Variants in OXR1 observed in about 807,000 individuals in gnomAD.
OXR1 encodes the protein oxidation resistance protein 1.
In OXR1, 41 loss-of-function variants were observed where a neutral mutation model predicts 104.6. The ratio of observed to expected loss-of-function variants is 0.39; its 90% CI spans 0.31 to 0.51. The LOEUF is 0.51. Ranked by LOEUF, OXR1 falls within the 20% of genes least tolerant of loss-of-function variation. The pLI is 0.77. For missense variants in OXR1, 955 were observed against 1,031.9 expected (o/e 0.93, Z 1.02); for synonymous variants, 348 against 348.4 (o/e 1.00, Z 0.01).
Position 106,296,348 on chromosome 8 carries a change from A to T in OXR1, c.-139+25981A>T, listed in dbSNP as rs529485808. ...TCGCCTCAGGCTCTTTTAGGTATTG[A>T]TAATGATGATGATAGTACTAATAAT... On this transcript the variant is annotated intron_variant, in intron 1 of 16. Coordinates refer to ENST00000517566, the MANE Select transcript of OXR1 (RefSeq NM_001198533.2). 2.6e-5 allele frequency among the ~76,000 whole-genome samples: 4 copies of T among 152,322 alleles called. No homozygotes were observed. In the South Asian group the frequency reaches 6.2e-4, roughly 24 times the overall value.
intron 1 of OXR1, among the ~76,000 whole-genome samples, chr8:106,298,872 C>T (rs901428510): frequency 6.6e-5 from 10 of 151,988 alleles, no homozygotes; most frequent in Non-Finnish European, 1.5e-4. Context: ...TTTTCTTTCC[C>T]CTTCAGTGAC....
At chr8:106,548,361 C>A (rs992315544) in intron 3 of OXR1, among the ~76,000 whole-genome samples, 3 of 152,282 alleles carry the variant, frequency 2.0e-5, no homozygotes, top group African/African-American at 7.2e-5. Context: ...GCCAAAATGT[C>A]CCTATGGTCA....
chr8:106,462,482 A>G (rs1820965178), intron 2 of OXR1, among the ~76,000 whole-genome samples: 1 of 152,206 alleles, frequency 6.6e-6, no homozygotes, highest in Non-Finnish European at 1.5e-5. Context: ...CTGAATGAAT[A>G]GCAAATGCAA....
chr8:106,698,018 A>G (rs775032094), intron 7 of OXR1: 38 of 1,608,732 alleles, frequency 2.4e-5, no homozygotes, highest in South Asian at 1.1e-4. Flanking sequence ...GGCCATTCCA[A>G]TGGGTGGCGG....
chr8:106,397,770 A>G lies in OXR1; in HGVS notation c.23+38134A>G, dbSNP rs894340747. ...GTTTTAATATGTTCAACTTGGCCTT[A>G]TAAGTTAGATATCGAGTTGTACCTT... On this transcript the variant is annotated intron_variant, in intron 2 of 16. Transcript: ENST00000517566. Among the ~76,000 whole-genome samples, 33 of 152,108 alleles carry G rather than the reference A, an allele frequency of 2.2e-4. 1 individual carries two copies. The highest frequency in any genetic ancestry group is 1.5e-5 in the Non-Finnish European group (1 of 68,002).
chr8:106,733,694 C>A (rs1163062353), intron 11 of OXR1, among the ~76,000 whole-genome samples: 1 of 151,784 alleles, frequency 6.6e-6, no homozygotes, highest in African/African-American at 2.4e-5. Context: ...GTAGTCCCAG[C>A]ACACATCTGT....
intron 3 of OXR1, among the ~76,000 whole-genome samples, chr8:106,674,424 G>C (rs1290848825): frequency 1.3e-5 from 2 of 152,150 alleles, no homozygotes; most frequent in Non-Finnish European, 2.9e-5. Context: ...ATTGTGTCTT[G>C]GAAGTAACTA....
chr8:106,718,394 A>G (rs1477659360), intron 11 of OXR1, among the ~76,000 whole-genome samples: 3 of 152,222 alleles, frequency 2.0e-5, no homozygotes, highest in Non-Finnish European at 1.5e-5. Context: ...GCCAAATTTT[A>G]AGGTGGTCAG....
At chr8:106,505,904 A>G (rs1812127395) in intron 2 of OXR1, among the ~76,000 whole-genome samples, 1 of 152,216 alleles carries the variant, frequency 6.6e-6, no homozygotes, top group Non-Finnish European at 1.5e-5. Flanking sequence ...ATGTTTAAAA[A>G]TGCTTGCTCT....
In OXR1 at chr8:106,526,734, A is replaced by G. The variant is rs191061569; in HGVS notation, c.220+7595A>G. 2.8e-3 allele frequency among the ~76,000 whole-genome samples: 432 copies of G among 152,194 alleles called. 2 individuals are homozygous for G. The highest frequency in any genetic ancestry group is 8.0e-3 in the African/African-American group (332 of 41,548). ...ATTTTTTTGTATTTTTAGTAGAGAC[A>G]GGTTTTCACTGTGTTAGCCAGGATG... On this transcript the variant is annotated intron_variant, in intron 3 of 16. Transcript: ENST00000517566.
intron 3 of OXR1, chr8:106,658,144 C>A (rs1428322504): frequency 4.8e-6 from 6 of 1,245,770 alleles, no homozygotes; most frequent in Non-Finnish European, 6.1e-6. Flanking sequence ...TGCGGGTCCC[C>A]GCCCCACCGG....
At chr8:106,283,213 T>C (rs1359436387) in intron 1 of OXR1, among the ~76,000 whole-genome samples, 2 of 152,228 alleles carry the variant, frequency 1.3e-5, no homozygotes, top group African/African-American at 4.8e-5. Context: ...AGATTCTCTG[T>C]GGGCTTTCTA....
intron 7 of OXR1, among the ~76,000 whole-genome samples, chr8:106,699,720 G>A (rs1310726984): frequency 2.6e-5 from 4 of 152,230 alleles, no homozygotes; most frequent in South Asian, 2.1e-4. Flanking sequence ...TTTTTGGAAC[G>A]TAATCCCTTG....
chr8:106,602,009 G>A (rs2130756345), intron 3 of OXR1, among the ~76,000 whole-genome samples: 1 of 152,170 alleles, frequency 6.6e-6, no homozygotes, highest in Non-Finnish European at 1.5e-5. Flanking sequence ...AGTGATGGGT[G>A]ACCCTTCATT....
intron 1 of OXR1, among the ~76,000 whole-genome samples, chr8:106,324,052 C>T (rs1814349949): frequency 6.6e-6 from 1 of 152,144 alleles, no homozygotes; most frequent in African/African-American, 2.4e-5. Context: ...CATAAAGATG[C>T]ATGCACGTAA....
chr8:106,673,755 C>T (rs1015658069), intron 3 of OXR1, among the ~76,000 whole-genome samples: 1 of 152,156 alleles, frequency 6.6e-6, no homozygotes, highest in Non-Finnish European at 1.5e-5. Context: ...GGACACAGTG[C>T]CCTGAATCCC....
intron 1 of OXR1, among the ~76,000 whole-genome samples, chr8:106,340,608 GTTGTTA>G (rs1815203382): frequency 6.6e-6 from 1 of 152,020 alleles, no homozygotes; most frequent in Non-Finnish European, 1.5e-5. Context: ...CTGTTATTTA[GTTGTTA>G]TTGTCTTTTT....
chr8:106,414,514 T>A (rs997486387), intron 2 of OXR1, among the ~76,000 whole-genome samples: 1 of 152,142 alleles, frequency 6.6e-6, no homozygotes, highest in Admixed American at 6.6e-5. Flanking sequence ...ATCAAATCTA[T>A]CTCTCCAGAA....
rs150259737 is a variant in OXR1, at chr8:106,445,735, G to A, written c.24-73208G>A. ...AAAGGACATTCATACTAATTAATTC[G>A]CAGCTTAGCACTATTCGTACTGCGA... is the stretch of plus-strand genomic sequence containing the variant. On this transcript the variant is annotated intron_variant, in intron 2 of 16. Transcript: ENST00000517566. Among the ~76,000 whole-genome samples, 16 of 152,172 alleles carry A rather than the reference G, an allele frequency of 1.1e-4. No homozygotes were observed. The East Asian group carries it at 2.7e-3, about 26-fold the overall frequency.
Sources: allele counts gnomAD v4.1 joint callset (sites outside exome capture counted in the v4.1 genomes callset), GRCh38; gene constraint gnomAD v4.1.1; transcripts MANE v1.5; gene names NCBI Gene and HGNC (gene_info 2026-07-23, HGNC 2026-07-21).